GABRA3: variants seen among roughly 807,000 people sequenced by gnomAD.
The protein encoded by GABRA3 is gamma-aminobutyric acid type A receptor subunit alpha3.
Under a neutral mutation model 30.1 loss-of-function variants are expected in GABRA3, and 10 were observed. The observed-to-expected ratio is 0.33, with a 90% CI of 0.20 to 0.56. The LOEUF (loss-of-function observed/expected upper bound fraction) is 0.56, where lower values mean the gene tolerates loss of function less well. GABRA3 is among the 20% of genes least tolerant of loss of function. GABRA3 has a pLI of 0.89. For synonymous variants in GABRA3, 151 were observed against 146.8 expected, an observed-to-expected ratio of 1.03 and a Z score of -0.21; for missense variants, 233 against 392.0, an observed-to-expected ratio of 0.59 and a Z score of 3.42.
chrX:152,226,665 T>A (rs1234462379), intron 5 of GABRA3, among the ~76,000 whole-genome samples: 30 of 111,151 alleles, frequency 2.7e-4, no homozygotes, highest in Non-Finnish European at 5.3e-4. Context: ...GAATCTACAA[T>A]GAACTCAAAC....
chrX:152,413,563 T>A (rs1251212943), intron 1 of GABRA3, among the ~76,000 whole-genome samples: 1 of 111,297 alleles, frequency 9.0e-6, no homozygotes, highest in East Asian at 2.8e-4. Flanking sequence ...CAAAACTATA[T>A]AATGCAGAAA....
chrX:152,332,305 C>G, intron 3 of GABRA3, among the ~76,000 whole-genome samples: 1 of 111,826 alleles, frequency 8.9e-6, no homozygotes, highest in Non-Finnish European at 1.9e-5. Flanking sequence ...TGCCTACAAC[C>G]ACTAATTCAT....
chrX:152,299,274 G>A (rs146089687), intron 3 of GABRA3, among the ~76,000 whole-genome samples: 6 of 111,972 alleles, frequency 5.4e-5, no homozygotes, highest in African/African-American at 1.9e-4. Flanking sequence ...TGTATGAAAG[G>A]GAAGACTGGA....
intron 1 of GABRA3, among the ~76,000 whole-genome samples, chrX:152,389,727 T>C (rs1240112038): frequency 9.0e-6 from 1 of 111,197 alleles, no homozygotes; most frequent in Non-Finnish European, 1.9e-5. Flanking sequence ...TATGAGAAGA[T>C]GATATAGAAG....
chrX:152,214,642 T>G (rs145569769), intron 6 of GABRA3, among the ~76,000 whole-genome samples: 14,716 of 110,650 alleles, frequency 0.13, 771 homozygotes, highest in Admixed American at 0.22. Context: ...AGCAATCGTA[T>G]TGAATGTGTA....
At chrX:152,219,713 G>A (rs956342124) in intron 6 of GABRA3, among the ~76,000 whole-genome samples, 1 of 110,902 alleles carries the variant, frequency 9.0e-6, no homozygotes, top group Admixed American at 9.6e-5. Context: ...GGCCCTCTAT[G>A]CTGCTGATGG....
chrX:152,374,141 T>C (rs1402425096), intron 1 of GABRA3, among the ~76,000 whole-genome samples: 1 of 110,392 alleles, frequency 9.1e-6, no homozygotes, highest in Non-Finnish European at 1.9e-5. Flanking sequence ...TGCCCACTTT[T>C]TAATGGGGTT....
At chrX:152,276,181 C>T (rs139160375) in intron 4 of GABRA3, among the ~76,000 whole-genome samples, 141 of 111,369 alleles carry the variant, frequency 1.3e-3, no homozygotes, top group Middle Eastern at 4.6e-3. Context: ...ACAAGGTTGC[C>T]TAGAGTTTAT....
intron 6 of GABRA3, among the ~76,000 whole-genome samples, chrX:152,218,906 T>C (rs1266941376): frequency 1.8e-5 from 2 of 111,401 alleles, no homozygotes. Context: ...GAGTGGATTT[T>C]CAGAAGTTCT....
intron 2 of GABRA3, among the ~76,000 whole-genome samples, chrX:152,350,029 A>C (rs1217916167): frequency 1.2e-5 from 1 of 83,575 alleles, no homozygotes; most frequent in Admixed American, 1.3e-4. Context: ...CACCACACCT[A>C]TTCCAAAATT....
rs549419596 is a variant in GABRA3, at chrX:152,170,746, G to C, written c.1144-2183C>G. Among the ~76,000 whole-genome samples the C allele has an allele frequency of 3.3e-4, 37 of 112,345 alleles. 1 individual carries two copies. The South Asian group carries it at 0.013, about 39-fold the overall frequency. ...GACCTTGAAAGGCCTTATATGCTAT[G>C]CTCTCTTGCTTTGTCTGCTTATTTT... On this transcript the variant is annotated intron_variant, in intron 9 of 9. Transcript: ENST00000370314.
intron 6 of GABRA3, among the ~76,000 whole-genome samples, chrX:152,220,368 A>G (rs1937808968): frequency 8.9e-6 from 1 of 112,017 alleles, no homozygotes; most frequent in Non-Finnish European, 1.9e-5. Flanking sequence ...TTGTGGCTGT[A>G]CCTCATCCAT....
chrX:152,280,059 A>G (rs746313524), intron 4 of GABRA3, among the ~76,000 whole-genome samples: 59 of 111,744 alleles, frequency 5.3e-4, no homozygotes, highest in Admixed American at 7.6e-4. Context: ...ATCTGCAAAC[A>G]GAGACAATTT....
In GABRA3 at chrX:152,168,439, C is replaced by T; in HGVS notation, c.1268G>A (p.Ser423Asn). Residue 423 changes from serine (S) to asparagine (N), a missense_variant, in exon 10 of 10, where the codon AGT becomes AAT. Physicochemically the swap from Ser to Asn is conservative, Grantham distance 46. This residue lies in a region of GABRA3 where 66 missense variants were observed against 57.1 expected (regional missense o/e 1.16). Transcript: ENST00000370314. The part of the protein sequence containing the change: ...FSTISKGAAP[S>N]ASSTPTIIAS... ...AATGATTGTTGGGGTTGAGGAGGCACTGGGAGCAGCGCCCTTGGAGATGGT... is the reference window on the plus strand; with the variant it reads ...AATGATTGTTGGGGTTGAGGAGGCATTGGGAGCAGCGCCCTTGGAGATGGT... 3 of 1,211,868 alleles carry T rather than the reference C, an allele frequency of 2.5e-6. No homozygotes were observed. Among genetic ancestry groups the T allele is most frequent in the Non-Finnish European group, 3.4e-6 (3 of 895,511 alleles).
chrX:152,449,841 CCT>C (rs781066106), intron 1 of GABRA3, among the ~76,000 whole-genome samples: 19 of 112,103 alleles, frequency 1.7e-4, no homozygotes, highest in African/African-American at 3.6e-4. Flanking sequence ...AGTTACTTAA[CCT>C]CTCTGTGCCT....
At chrX:152,235,940 A>C (rs1430399542) in intron 5 of GABRA3, among the ~76,000 whole-genome samples, 5 of 101,923 alleles carry the variant, frequency 4.9e-5, no homozygotes, top group Non-Finnish European at 7.9e-5. Context: ...AGAACAAAGC[A>C]TTGCACTATT....
chrX:152,434,335 A>G (rs937266399), intron 1 of GABRA3, among the ~76,000 whole-genome samples: 1 of 110,530 alleles, frequency 9.0e-6, no homozygotes, highest in African/African-American at 3.3e-5. Context: ...CAAACATAGG[A>G]CTCCAAGTTC....
rs1306009981 is a variant in GABRA3 at position 152,183,164 on chromosome X, A to G, written c.1143+6566T>C. ...AGTTCTTCTTTAAGTGCTCGGTAGA[A>G]TTCAACAGTGAAGACATCAGGTCCT... is the stretch of plus-strand genomic sequence containing the variant. On this transcript the variant is annotated intron_variant, in intron 9 of 9. Transcript: ENST00000370314. 3.6e-5 allele frequency among the ~76,000 whole-genome samples: 4 copies of G among 110,088 alleles called. No individual in the cohort carries two copies. The East Asian group carries it at 1.1e-3, about 31-fold the overall frequency.
At chrX:152,227,930 A>G (rs1242778870) in intron 5 of GABRA3, among the ~76,000 whole-genome samples, 1 of 111,202 alleles carries the variant, frequency 9.0e-6, no homozygotes, top group Non-Finnish European at 1.9e-5. Flanking sequence ...GTCATATGAG[A>G]GATGCTCTAG....
Sources: allele counts gnomAD v4.1 joint callset (sites outside exome capture counted in the v4.1 genomes callset), GRCh38; gene constraint gnomAD v4.1.1; regional missense constraint gnomAD v4.1.1; transcripts MANE v1.5; gene names NCBI Gene and HGNC (gene_info 2026-07-23, HGNC 2026-07-21).